Variants in CLEC16A observed in about 807,000 individuals in gnomAD.
The protein encoded by CLEC16A is C-type lectin domain containing 16A, also known as protein CLEC16A.
In CLEC16A, 51 loss-of-function variants were observed where a neutral mutation model predicts 109.5. The ratio of observed to expected loss-of-function variants is 0.47; its 90% confidence interval spans 0.37 to 0.59. The LOEUF is 0.59. Ranked by LOEUF, CLEC16A falls within the 20% of genes least tolerant of loss-of-function variation. CLEC16A has a pLI of 0.00. For synonymous variants in CLEC16A, 673 were observed against 564.2 expected (o/e 1.19, Z -2.73); for missense variants, 1,339 against 1,394.0 (o/e 0.96, Z 0.63).
intron 22 of CLEC16A, among the ~76,000 whole-genome samples, chr16:11,127,536 C>T (rs1486873064): frequency 6.6e-6 from 1 of 152,194 alleles, no homozygotes; most frequent in Admixed American, 6.5e-5. Context: ...CACCAATTCA[C>T]TCTGCCACCC....
intron 22 of CLEC16A, among the ~76,000 whole-genome samples, chr16:11,161,926 C>T (rs1421739029): frequency 6.6e-6 from 1 of 152,164 alleles, no homozygotes; most frequent in African/African-American, 2.4e-5. Context: ...TCTTGAATCA[C>T]ATGGTTAAGT....
In CLEC16A at chr16:11,083,282, C is replaced by T. The variant is rs2049835428; in HGVS notation, c.2116+22260C>T. On this transcript the variant is annotated intron_variant, in intron 19 of 23. Coordinates refer to ENST00000409790, the MANE Select transcript of CLEC16A (RefSeq NM_015226.3). ...GGCTCAAGCAATCCTCCCACCTCAG[C>T]TTGCCAAGTAGCTGGGCCTATAGGT... is the stretch of plus-strand genomic sequence containing the variant. Among the ~76,000 whole-genome samples, 3 of 152,208 alleles carry T rather than the reference C, an allele frequency of 2.0e-5. No homozygotes were observed. The South Asian group carries it at 6.2e-4, about 31-fold the overall frequency.
chr16:10,953,263 A>G (rs186720203), intron 1 of CLEC16A, among the ~76,000 whole-genome samples: 3 of 152,370 alleles, frequency 2.0e-5, no homozygotes, highest in Admixed American at 2.0e-4. Context: ...GTGGCGCTGG[A>G]GTGCAGTAGA....
At chr16:11,052,845 G>GA (rs1018745684) in intron 18 of CLEC16A, among the ~76,000 whole-genome samples, 8 of 152,248 alleles carry the variant, frequency 5.3e-5, no homozygotes, top group African/African-American at 9.6e-5. Context: ...CCAGAGGACT[G>GA]AACGCTGAGC....
chr16:10,998,177 G>A (rs1417471649), intron 10 of CLEC16A, among the ~76,000 whole-genome samples: 2 of 152,196 alleles, frequency 1.3e-5, no homozygotes, highest in Non-Finnish European at 2.9e-5. Flanking sequence ...TCAGGTGAAG[G>A]GGTTCAAGGC....
At chr16:11,028,910 C>G (rs1178453776) in intron 13 of CLEC16A, among the ~76,000 whole-genome samples, 1 of 152,032 alleles carries the variant, frequency 6.6e-6, no homozygotes, top group Admixed American at 6.6e-5. Flanking sequence ...ACACAGTTTC[C>G]CTTTTGATTT....
chr16:10,979,170 C>T, intron 8 of CLEC16A, among the ~76,000 whole-genome samples, 159 bp from the exon 9 acceptor site: 1 of 152,106 alleles, frequency 6.6e-6, no homozygotes, highest in East Asian at 1.9e-4. Context: ...GCGGAGTGGA[C>T]TTTTGAGTAG....
intron 22 of CLEC16A, among the ~76,000 whole-genome samples, chr16:11,139,971 A>G (rs2053746566): frequency 2.0e-5 from 3 of 152,234 alleles, no homozygotes; most frequent in Admixed American, 6.5e-5. Context: ...TATTAGTCCT[A>G]CTTTTATAGC....
chr16:11,143,158 G>A (rs1257317442), intron 22 of CLEC16A, among the ~76,000 whole-genome samples: 1 of 152,190 alleles, frequency 6.6e-6, no homozygotes, highest in African/African-American at 2.4e-5. Context: ...CACGCCCTGT[G>A]CTTGGGGTTG....
intron 6 of CLEC16A, 28 bp from the exon 7 acceptor site, chr16:10,972,910 T>G: frequency 1.3e-6 from 2 of 1,544,768 alleles, no homozygotes; most frequent in Non-Finnish European, 1.7e-6. Flanking sequence ...GTAGCTTGAC[T>G]TTTTTTTTCT....
At position 11,027,895 on chromosome 16, in the gene CLEC16A, A is replaced by C. The variant is rs543534911; in HGVS notation, c.1537+2974A>C. The C allele has an allele frequency of 2.1e-5, 13 of 617,154 alleles. No homozygotes were observed. The South Asian group carries it at 2.5e-4, about 12-fold the overall frequency. 38.2% of individuals were successfully genotyped at this position (617,154 alleles called of 1,614,324 possible). A position where few individuals can be genotyped will look rare whatever the true frequency, so the allele number is the denominator to read the frequency against. Reference sequence around the variant, plus strand: ...CTCTGTCTTCAAAAACTGGAAAGGAAGGGTCAAAGAAAAGACAGTAGCTGG... The same window carrying C: ...CTCTGTCTTCAAAAACTGGAAAGGACGGGTCAAAGAAAAGACAGTAGCTGG... On this transcript the variant is annotated intron_variant, in intron 13 of 23. Coordinates refer to ENST00000409790, the MANE Select transcript of CLEC16A (RefSeq NM_015226.3).
chr16:11,104,742 A>T (rs1406698501), intron 19 of CLEC16A, among the ~76,000 whole-genome samples: 1 of 152,150 alleles, frequency 6.6e-6, no homozygotes, highest in African/African-American at 2.4e-5. Context: ...CATTTTTCAG[A>T]TAAGGAAACA....
At chr16:11,079,658 T>C (rs1400535298) in intron 19 of CLEC16A, among the ~76,000 whole-genome samples, 1 of 152,196 alleles carries the variant, frequency 6.6e-6, no homozygotes, top group African/African-American at 2.4e-5. Context: ...TTTGCATTTT[T>C]CTAAATGCAG....
intron 10 of CLEC16A, among the ~76,000 whole-genome samples, chr16:10,985,820 G>GGCAGCCTCTGCCTCTGGGTTCAAGCA (rs1567544008): frequency 1.3e-5 from 2 of 150,168 alleles, no homozygotes. Context: ...GGGTTCAAGC[G>GGCAGCCTCTGCCTCTGGGTTCAAGCA]TCAGCCTCCC....
Position 11,060,927 on chromosome 16 carries a change from G to C in CLEC16A, c.2021G>C (p.Arg674Pro). 1 of 1,612,094 alleles carries C rather than the reference G, an allele frequency of 6.2e-7. No individual in the cohort carries two copies. Among genetic ancestry groups the C allele is most frequent in the Non-Finnish European group, 8.5e-7 (1 of 1,179,186 alleles). ...RRAIRVFFML[R>P]SLSLQLRGEP... Reference sequence around the variant, plus strand: ...GCCATCCGGGTGTTCTTCATGCTGCGTTCCCTGTCACTGCAATTGCGAGGG... The same window carrying C: ...GCCATCCGGGTGTTCTTCATGCTGCCTTCCCTGTCACTGCAATTGCGAGGG... The change falls in exon 19 of 24, where the codon CGT becomes CCT. Residue 674 changes from arginine (R) to proline (P), a missense_variant. Coordinates refer to ENST00000409790, the MANE Select transcript of CLEC16A (RefSeq NM_015226.3).
chr16:11,058,474 T>G (rs2048322381), intron 18 of CLEC16A, among the ~76,000 whole-genome samples: 1 of 152,144 alleles, frequency 6.6e-6, no homozygotes, highest in Admixed American at 6.5e-5. Context: ...CTGTATTGAT[T>G]AGGGAATAAT....
chr16:10,967,462 C>T (rs1324318493), intron 3 of CLEC16A, among the ~76,000 whole-genome samples: 3 of 152,180 alleles, frequency 2.0e-5, no homozygotes, highest in Admixed American at 6.5e-5. Context: ...TCCAGTGATA[C>T]GATCATGGCT....
At chr16:11,150,064 G>C (rs1245491926) in intron 22 of CLEC16A, 1 of 152,170 alleles carries the variant, frequency 6.6e-6, no homozygotes, top group African/African-American at 2.4e-5. Flanking sequence ...GGGTTTATTA[G>C]AGTCATTGAT....
At chr16:11,142,160 C>T (rs1442500513) in intron 22 of CLEC16A, among the ~76,000 whole-genome samples, 6 of 152,206 alleles carry the variant, frequency 3.9e-5, no homozygotes, top group Non-Finnish European at 8.8e-5. Context: ...GGTGAGGTAA[C>T]TTGCCCGAAG....
Sources: gnomAD v4.1 joint callset for allele counts (sites outside exome capture counted in the v4.1 genomes callset) on GRCh38, gnomAD v4.1.1 for gene constraint, MANE v1.5 for transcripts, NCBI Gene and HGNC (gene_info 2026-07-23, HGNC 2026-07-21) for gene names.